IKZF2: variants seen among roughly 807,000 people sequenced by gnomAD.
IKZF2 encodes zinc finger protein Helios.
A neutral mutation model predicts 49.2 loss-of-function variants in IKZF2; 15 were observed. The observed-to-expected ratio is 0.30, with a 90% confidence interval of 0.20 to 0.47. The LOEUF (loss-of-function observed/expected upper bound fraction) is 0.47. Ranked by LOEUF, IKZF2 falls within the 20% of genes least tolerant of loss-of-function variation. IKZF2 has a pLI of 1.00. For synonymous variants in IKZF2, 227 were observed against 221.4 expected, an observed-to-expected ratio of 1.03 and a Z score of -0.23; for missense variants, 567 against 664.6, an observed-to-expected ratio of 0.85 and a Z score of 1.61.
In IKZF2 at chr2:213,003,919, T is replaced by C. The variant is rs973206420; in HGVS notation, c.*3441A>G. ...TTGAATGTATATCCAATCAGCTTAA[T>C]CATTGTTTGTTTCACTTTGTTCTGT... On this transcript the variant is annotated 3_prime_UTR_variant, in exon 9 of 9. Transcript: ENST00000434687. 6 of 151,876 alleles carry C rather than the reference T, an allele frequency of 4.0e-5. No individual in the cohort carries two copies. Among genetic ancestry groups the C allele is most frequent in the South Asian group, 2.1e-4 (1 of 4,830 alleles). The allele number at this position is 151,876 out of a possible 1,614,324, so 9.4% of individuals were successfully genotyped here. A position where few individuals can be genotyped will look rare whatever the true frequency, so the allele number is the denominator to read the frequency against.
At chr2:213,147,864 G>A in intron 3 of IKZF2, 52 bp from the exon 4 acceptor site, 2 of 1,365,186 alleles carry the variant, frequency 1.5e-6, no homozygotes, top group Non-Finnish European at 2.1e-6. Flanking sequence ...CACATAAGAT[G>A]TAATTACTAA....
intron 8 of IKZF2, among the ~76,000 whole-genome samples, chr2:213,009,432 T>A (rs564790362): frequency 6.6e-6 from 1 of 152,222 alleles, no homozygotes; most frequent in South Asian, 2.1e-4. Context: ...CTTAAAAACA[T>A]ATGTGGGTTT....
rs752916769 is a variant in IKZF2 at position 213,057,062 on chromosome 2, C to G, written c.177G>C (p.Glu59Asp). Reference protein sequence around the residue: ...SVKLEMQSDEECDRKPLSRED... With the variant: ...SVKLEMQSDEDCDRKPLSRED... ...CACGGCTCAGGGGTTTCCTGTCACA[C>G]TCTTCATCACTCTGCATTTCTAGCT... Residue 59 changes from glutamate (E) to aspartate (D), a missense_variant, in exon 5 of 9, where the codon GAG becomes GAC. Glu to Asp is a conservative substitution (Grantham distance 45). Transcript: ENST00000434687. The G allele has an allele frequency of 6.2e-7, 1 of 1,613,564 alleles. No homozygotes were observed. Among genetic ancestry groups the G allele is most frequent in the East Asian group, 2.2e-5 (1 of 44,872 alleles).
At chr2:213,117,380 T>G (rs983309229) in intron 4 of IKZF2, among the ~76,000 whole-genome samples, 4 of 152,184 alleles carry the variant, frequency 2.6e-5, no homozygotes, top group African/African-American at 9.7e-5. Context: ...CTTCAACCCT[T>G]TAGGGCTGAG....
intron 4 of IKZF2, among the ~76,000 whole-genome samples, chr2:213,138,562 A>T (rs1268818583): frequency 6.6e-6 from 1 of 152,190 alleles, no homozygotes; most frequent in Non-Finnish European, 1.5e-5. Context: ...TCTTCATTCA[A>T]CAAATATTTA....
intron 4 of IKZF2, among the ~76,000 whole-genome samples, chr2:213,119,134 C>A (rs1006442959): frequency 3.1e-4 from 47 of 152,114 alleles, no homozygotes; most frequent in African/African-American, 1.1e-3. Context: ...TCACGCAACC[C>A]TGAAAGGCAG....
chr2:213,049,334 G>C (rs1238765057), intron 6 of IKZF2, among the ~76,000 whole-genome samples: 1 of 151,906 alleles, frequency 6.6e-6, no homozygotes, highest in African/African-American at 2.4e-5. Context: ...AAAAAAATCA[G>C]TTTTCATTTC....
intron 4 of IKZF2, among the ~76,000 whole-genome samples, chr2:213,076,680 T>C (rs1703298644): frequency 6.6e-6 from 1 of 152,230 alleles, no homozygotes; most frequent in South Asian, 2.1e-4. Context: ...TTATCTTCAA[T>C]TGTTTAGGAT....
chr2:213,074,124 A>G (rs1702995309), intron 4 of IKZF2, among the ~76,000 whole-genome samples: 1 of 152,222 alleles, frequency 6.6e-6, no homozygotes, highest in South Asian at 2.1e-4. Context: ...TGAACAGAGT[A>G]GCAGTATTTT....
intron 7 of IKZF2, among the ~76,000 whole-genome samples, chr2:213,019,567 C>T (rs969849305): frequency 5.9e-5 from 9 of 152,050 alleles, no homozygotes; most frequent in African/African-American, 2.2e-4. Context: ...TTATAACAAA[C>T]CCAGAAAAAG....
chr2:213,105,946 A>G (rs2059509712), intron 4 of IKZF2, among the ~76,000 whole-genome samples: 1 of 152,246 alleles, frequency 6.6e-6, no homozygotes, highest in South Asian at 2.1e-4. Context: ...AGTTTTACCT[A>G]GCTCAGATAA....
chr2:213,029,089 T>C (rs1015772016), intron 6 of IKZF2, among the ~76,000 whole-genome samples: 1 of 152,080 alleles, frequency 6.6e-6, no homozygotes, highest in Non-Finnish European at 1.5e-5. Context: ...TAAGGACTTT[T>C]GCATCTGCAT....
At chr2:213,127,886 T>C (rs1574942051) in intron 4 of IKZF2, among the ~76,000 whole-genome samples, 1 of 152,216 alleles carries the variant, frequency 6.6e-6, no homozygotes, top group Non-Finnish European at 1.5e-5. Context: ...TAGATTTGAT[T>C]GTTTTTATAA....
chr2:213,086,686 C>G lies in IKZF2; in HGVS notation c.140-29587G>C, dbSNP rs146623788. Among the ~76,000 whole-genome samples the G allele has an allele frequency of 4.3e-3, 660 of 152,238 alleles. 5 individuals carry two copies. The highest frequency in any genetic ancestry group is 0.015 in the African/African-American group (618 of 41,538). The stretch of plus-strand genomic sequence containing the variant: ...GACCCCCTACTCTCCAGCCTCCAAA[C>G]AGTCAGGCACTAGTCCAGCAGCCCT... On this transcript the variant is annotated intron_variant, in intron 4 of 8. Coordinates refer to ENST00000434687, the MANE Select transcript of IKZF2 (RefSeq NM_001387220.1).
At chr2:213,088,226 T>G (rs1199721047) in intron 4 of IKZF2, among the ~76,000 whole-genome samples, 1 of 152,224 alleles carries the variant, frequency 6.6e-6, no homozygotes, top group Non-Finnish European at 1.5e-5. Context: ...TATCTCATTG[T>G]GGTTTTGATT....
At chr2:213,012,807 T>C (rs1319844351) in intron 8 of IKZF2, among the ~76,000 whole-genome samples, 1 of 152,066 alleles carries the variant, frequency 6.6e-6, no homozygotes, top group Non-Finnish European at 1.5e-5. Flanking sequence ...GATTTTTGTC[T>C]CAATCACCAT....
intron 4 of IKZF2, among the ~76,000 whole-genome samples, chr2:213,123,687 G>A (rs2060129506): frequency 6.6e-6 from 1 of 152,072 alleles, no homozygotes; most frequent in Admixed American, 6.6e-5. Flanking sequence ...TCAGGGTTTG[G>A]TTTGGTTTGG....
chr2:213,024,311 C>A (rs1234279199), intron 6 of IKZF2, among the ~76,000 whole-genome samples: 1 of 152,150 alleles, frequency 6.6e-6, no homozygotes, highest in Non-Finnish European at 1.5e-5. Context: ...ACAATCTATC[C>A]TTTTACCTCT....
At chr2:213,093,638 A>C (rs1290461957) in intron 4 of IKZF2, among the ~76,000 whole-genome samples, 1 of 152,172 alleles carries the variant, frequency 6.6e-6, no homozygotes, top group African/African-American at 2.4e-5. Flanking sequence ...ATAAGGATAG[A>C]GCCTTGTCTG....
Sources: gnomAD v4.1 joint callset for allele counts (sites outside exome capture counted in the v4.1 genomes callset) on GRCh38, gnomAD v4.1.1 for gene constraint, MANE v1.5 for transcripts, NCBI Gene and HGNC (gene_info 2026-07-23, HGNC 2026-07-21) for gene names.